Variants in CRTC3 observed in about 807,000 individuals in gnomAD.
CRTC3 encodes the protein CREB-regulated transcription coactivator 3.
In CRTC3, 26 loss-of-function variants were observed where a neutral mutation model predicts 74.5. That is an observed-to-expected ratio of 0.35 (90% CI 0.26 to 0.48). The LOEUF is 0.48. Among genes scored for constraint, CRTC3 ranks in the 20% least tolerant of loss-of-function variants. The probability of loss-of-function intolerance (pLI) is 0.99; values close to 1 mark genes in which losing one functional copy is unlikely to be tolerated. For synonymous variants in CRTC3, 377 were observed against 325.8 expected (o/e 1.16, Z -1.69); for missense variants, 760 against 787.3 (o/e 0.97, Z 0.41).
Position 90,546,620 on chromosome 15 carries a change from G to A in CRTC3, c.231+6483G>A, listed in dbSNP as rs374858600. ...TTAATGTCTATAAAAACACCTGCTA[G>A]GATTTTATTTTTATTTTTTTGAGAC... On this transcript the variant is annotated intron_variant, in intron 2 of 14. Coordinates refer to ENST00000268184, the MANE Select transcript of CRTC3 (RefSeq NM_022769.5). Among the ~76,000 whole-genome samples, 8 of 152,012 alleles carry A rather than the reference G, an allele frequency of 5.3e-5. No homozygotes were observed. The East Asian group carries it at 1.2e-3, about 22-fold the overall frequency.
intron 13 of CRTC3, among the ~76,000 whole-genome samples, chr15:90,639,833 G>A (rs2151098439): frequency 6.6e-6 from 1 of 150,936 alleles, no homozygotes; most frequent in East Asian, 2.0e-4. Flanking sequence ...GGATCATGAG[G>A]TCAGGAGATC....
chr15:90,570,196 A>T (rs1275612980), intron 2 of CRTC3, among the ~76,000 whole-genome samples: 11 of 152,248 alleles, frequency 7.2e-5, no homozygotes, highest in African/African-American at 2.4e-4. Flanking sequence ...CTACTTTTTT[A>T]AAAATGTGGC....
chr15:90,578,182 G>A (rs1398307769), intron 2 of CRTC3, among the ~76,000 whole-genome samples: 1 of 152,118 alleles, frequency 6.6e-6, no homozygotes, highest in Non-Finnish European at 1.5e-5. Flanking sequence ...CTCCCAAAGT[G>A]CTGGGATTAC....
At chr15:90,537,841 ATAGT>A (rs1475761503) in intron 1 of CRTC3, among the ~76,000 whole-genome samples, 3 of 152,180 alleles carry the variant, frequency 2.0e-5, no homozygotes, top group Non-Finnish European at 4.4e-5. Context: ...CAGCTGGCTA[ATAGT>A]TAGTAGAGAC....
intron 11 of CRTC3, among the ~76,000 whole-genome samples, chr15:90,632,549 A>G (rs1015399266): frequency 1.3e-5 from 2 of 152,324 alleles, no homozygotes; most frequent in African/African-American, 4.8e-5. Context: ...CGTTAGGCAT[A>G]TTCCTCACTG....
At chr15:90,625,657 AGGAC>A in intron 9 of CRTC3, 115 bp from the exon 10 acceptor site, 3 of 881,788 alleles carry the variant, frequency 3.4e-6, no homozygotes, top group Non-Finnish European at 5.6e-6. Context: ...AGGCCGCACC[AGGAC>A]CTCGGTCTTT....
intron 6 of CRTC3, 76 bp from the exon 7 acceptor site, chr15:90,614,377 T>A (rs1313518489): frequency 4.8e-5 from 51 of 1,064,210 alleles, no homozygotes; most frequent in Non-Finnish European, 7.3e-5. Context: ...CATAAAGAGT[T>A]ACTGATTCAT....
chr15:90,545,677 A>T (rs571528486), intron 2 of CRTC3, among the ~76,000 whole-genome samples: 5 of 151,980 alleles, frequency 3.3e-5, no homozygotes, highest in Non-Finnish European at 7.4e-5. Flanking sequence ...CCTGGGTTCA[A>T]GCAATTCTCC....
At chr15:90,588,822 T>C (rs1474592246) in intron 2 of CRTC3, among the ~76,000 whole-genome samples, 1 of 152,164 alleles carries the variant, frequency 6.6e-6, no homozygotes, top group East Asian at 1.9e-4. Context: ...GGTTCCACCA[T>C]GCAGACACTC....
chr15:90,636,077 G>A (rs569137238), intron 11 of CRTC3, among the ~76,000 whole-genome samples: 5,415 of 110,192 alleles, frequency 0.049, 130 homozygotes, highest in African/African-American at 0.13. Context: ...ATATGGAACC[G>A]AAAAAGAGCC....
chr15:90,536,490 C>CAAA lies in CRTC3; in HGVS notation c.133-3536_133-3534dup, dbSNP rs34900618. Among the ~76,000 whole-genome samples, 509 of 141,660 alleles carry CAAA rather than the reference C, an allele frequency of 3.6e-3. 6 individuals carry two copies. The highest frequency in any genetic ancestry group is 0.035 in the South Asian group (156 of 4,432). 92.9% of individuals were successfully genotyped at this position (141,660 alleles called of 152,430 possible). A position where few individuals can be genotyped will look rare whatever the true frequency, so the allele number is the denominator to read the frequency against. ...AGCCTGGGCAACAGAGACCCTGTCT[C>CAAA]AAAAAAAAAAAAAAATTGCTCTGAC... On this transcript the variant is annotated intron_variant, in intron 1 of 14. Coordinates refer to ENST00000268184, the MANE Select transcript of CRTC3 (RefSeq NM_022769.5).
At position 90,638,569 on chromosome 15, in the gene CRTC3, G is replaced by T. The variant is rs780939631; in HGVS notation, c.1390G>T (p.Ala464Ser). 6.2e-7 allele frequency: 1 copy of T among 1,612,692 alleles called. No individual in the cohort carries two copies. Among genetic ancestry groups the T allele is most frequent in the Non-Finnish European group, 8.5e-7 (1 of 1,179,840 alleles). Reference sequence around the variant, plus strand: ...CCAGCCCCTCCTGCAGCAGCCCCGCGCCCCTGAGGCCCCTGCCCAGCAGCC... The same window carrying T: ...CCAGCCCCTCCTGCAGCAGCCCCGCTCCCCTGAGGCCCCTGCCCAGCAGCC... ...LTQPLLQQPR[A>S]PEAPAQQPQA... The change falls in exon 12 of 15, where the codon GCC (alanine) becomes TCC (serine). Residue 464 changes from alanine to serine, a missense_variant. Coordinates refer to ENST00000268184, the MANE Select transcript of CRTC3 (RefSeq NM_022769.5).
intron 1 of CRTC3, among the ~76,000 whole-genome samples, chr15:90,534,561 AGTTG>A (rs56768119): frequency 5.9e-5 from 9 of 151,466 alleles, no homozygotes; most frequent in African/African-American, 1.7e-4. Flanking sequence ...AAATGTGGTT[AGTTG>A]GTTGGTTGGT....
chr15:90,552,784 G>A (rs991493318), intron 2 of CRTC3, among the ~76,000 whole-genome samples: 1 of 152,192 alleles, frequency 6.6e-6, no homozygotes, highest in African/African-American at 2.4e-5. Context: ...TTGTGTTAAG[G>A]GAACTGGGGT....
chr15:90,547,339 A>G (rs971251617), intron 2 of CRTC3, among the ~76,000 whole-genome samples: 1 of 151,910 alleles, frequency 6.6e-6, no homozygotes, highest in African/African-American at 2.4e-5. Context: ...CTTCCTGTCT[A>G]CTCCTTTTAT....
chr15:90,631,641 T>C (rs770820033), intron 11 of CRTC3, among the ~76,000 whole-genome samples: 2 of 151,406 alleles, frequency 1.3e-5, no homozygotes, highest in Non-Finnish European at 2.9e-5. Flanking sequence ...GACGTGAGAA[T>C]TGCTTGCACC....
At position 90,642,293 on chromosome 15, in the gene CRTC3, A is replaced by C. The variant is rs1969477933; in HGVS notation, c.*153A>C. On this transcript the variant is annotated 3_prime_UTR_variant, in exon 15 of 15. Coordinates refer to ENST00000268184, the MANE Select transcript of CRTC3 (RefSeq NM_022769.5). ...GGTTTCAGATGAGATCCCATCTCAG[A>C]CACTGTGGCTTCCTCCAGATCACAC... 1 of 648,392 alleles carries C rather than the reference A, an allele frequency of 1.5e-6. No homozygotes were observed. The highest frequency in any genetic ancestry group is 2.7e-6 in the Non-Finnish European group (1 of 372,892). The allele number at this position is 648,392 out of a possible 1,614,324, so 40.2% of individuals were successfully genotyped here.
chr15:90,583,187 A>G (rs753292828), intron 2 of CRTC3, among the ~76,000 whole-genome samples: 4 of 152,112 alleles, frequency 2.6e-5, no homozygotes, highest in African/African-American at 9.7e-5. Flanking sequence ...CTCTGTGATC[A>G]TTTTGATTGG....
intron 8 of CRTC3, among the ~76,000 whole-genome samples, chr15:90,619,083 C>T (rs1968569065): frequency 6.6e-6 from 1 of 152,190 alleles, no homozygotes; most frequent in Admixed American, 6.5e-5. Context: ...TTCTGACATT[C>T]ATTTCTTTTT....
Sources: gnomAD v4.1 joint callset for allele counts (sites outside exome capture counted in the v4.1 genomes callset) on GRCh38, gnomAD v4.1.1 for gene constraint, MANE v1.5 for transcripts, NCBI Gene and HGNC (gene_info 2026-07-23, HGNC 2026-07-21) for gene names.